Variants in TNK2 observed in about 807,000 individuals in gnomAD.
TNK2 encodes activated CDC42 kinase 1.
A neutral mutation model predicts 101.8 loss-of-function variants in TNK2; 83 were observed. That is an observed-to-expected ratio of 0.82 (90% CI 0.68 to 0.98). The LOEUF is 0.98. TNK2 is among the 50% of genes least tolerant of loss of function. The pLI, the probability that TNK2 is intolerant of heterozygous loss-of-function variation, is 0.00. For synonymous variants in TNK2, 804 were observed against 633.0 expected, an observed-to-expected ratio of 1.27 and a Z score of -4.06; for missense variants, 1,665 against 1,483.2, an observed-to-expected ratio of 1.12 and a Z score of -2.01.
At chr3:195,870,500 A>G in intron 10 of TNK2, 2 of 960,872 alleles carry the variant, frequency 2.1e-6, no homozygotes. Flanking sequence ...CCCCCAGCCC[A>G]CACCAGGCAG....
chr3:195,870,301 G>A (rs1483995548), intron 10 of TNK2, 96 bp from the exon 11 acceptor site: 4 of 1,556,574 alleles, frequency 2.6e-6, no homozygotes, highest in South Asian at 2.3e-5. Context: ...GAAACCGGGT[G>A]TAGTCTTGGG....
In TNK2 at chr3:195,878,580, T is replaced by C. The variant is rs781438547; in HGVS notation, c.1027A>G (p.Ile343Val). 5 of 1,612,836 alleles carry C rather than the reference T, an allele frequency of 3.1e-6. No individual in the cohort carries two copies. The highest frequency in any genetic ancestry group is 1.1e-5 in the South Asian group (1 of 91,060). The change falls in exon 8 of 16, where the codon ATC (isoleucine) becomes GTC (valine). Residue 343 changes from isoleucine (I) to valine (V), a missense_variant. Ile to Val is a conservative substitution (Grantham distance 29). Around this residue, in one of 3 missense-constraint regions of TNK2, gnomAD observed 490 missense variants for 522.5 expected, o/e 0.94. Coordinates refer to ENST00000672887, the MANE Select transcript of TNK2 (RefSeq NM_001382273.1). This position sits in a 1 kb window ranked among gnomAD's most constrained non-coding sequence, Gnocchi z 4.7. Reference sequence around the variant, plus strand: ...GGCAGCCGCTCCCCCTCCTTGTCGATCTTATGCAGGATCTGAAGGTGAGGA... The same window carrying C: ...GGCAGCCGCTCCCCCTCCTTGTCGACCTTATGCAGGATCTGAAGGTGAGGA... ...GLNGSQILHK[I>V]DKEGERLPRP...
intron 14 of TNK2, 70 bp from the exon 15 acceptor site, chr3:195,867,086 G>A (rs965036107): frequency 3.0e-5 from 49 of 1,607,256 alleles, no homozygotes; most frequent in African/African-American, 2.8e-4. Context: ...GAGGGGAGTC[G>A]GAGCCAGGGG....
chr3:195,885,389 C>A lies in TNK2; in HGVS notation c.235-356G>T. On this transcript the variant is annotated intron_variant, in intron 3 of 15. Coordinates refer to ENST00000672887, the MANE Select transcript of TNK2 (RefSeq NM_001382273.1). The surrounding 1 kb of genome is among the most constrained non-coding windows in gnomAD (Gnocchi z 4.7). ...CCCCACCCTCCCTTCCTGCACCCGC[C>A]ACCCCGCAGACTCCAGCCCTAACCC... 7.4e-7 allele frequency: 1 copy of A among 1,345,010 alleles called. No individual in the cohort carries two copies. The highest frequency in any genetic ancestry group is 9.7e-7 in the Non-Finnish European group (1 of 1,026,446). 83.3% of individuals were successfully genotyped at this position (1,345,010 alleles called of 1,614,324 possible). A position where few individuals can be genotyped will look rare whatever the true frequency, so the allele number is the denominator to read the frequency against.
intron 1 of TNK2, chr3:195,894,310 C>CGT (rs1042818525): frequency 1.3e-5 from 2 of 152,268 alleles, no homozygotes; most frequent in African/African-American, 4.8e-5. Flanking sequence ...GAACCCCATG[C>CGT]CTGACCTTGG....
rs201512822 is a variant in TNK2, at chr3:195,868,427, G to A, written c.1871C>T (p.Thr624Met). 53 of 1,570,396 alleles carry A rather than the reference G, an allele frequency of 3.4e-5. No individual in the cohort carries two copies. Among genetic ancestry groups the A allele is most frequent in the African/African-American group, 2.4e-4 (18 of 73,470 alleles). Reference protein sequence around the residue: ...LLDETPPQSPTRALPRPLHPT... With the variant: ...LLDETPPQSPMRALPRPLHPT... ...GTGCAGGGGCCGGGGCAGTGCCCGC[G>A]TGGGGCTCTGAGGCGGGGTCTCGTC... is the stretch of plus-strand genomic sequence containing the variant. Residue 624 changes from threonine to methionine, a missense_variant, in exon 13 of 16, where the codon ACG (threonine) becomes ATG (methionine). Thr to Met is a moderately conservative substitution (Grantham distance 81, BLOSUM62 -1). Coordinates refer to ENST00000672887, the MANE Select transcript of TNK2 (RefSeq NM_001382273.1).
intron 9 of TNK2, among the ~76,000 whole-genome samples, chr3:195,873,524 CAG>C (rs1560494021): frequency 1.4e-5 from 2 of 146,788 alleles, no homozygotes; most frequent in East Asian, 2.1e-4. Context: ...GCCCCGTGGG[CAG>C]AGTCTGGGCA....
At chr3:195,870,024 G>A in intron 11 of TNK2, 90 bp downstream of exon 11, 4 of 1,071,864 alleles carry the variant, frequency 3.7e-6, no homozygotes, top group Non-Finnish European at 5.3e-6. Flanking sequence ...CCCAAAAACA[G>A]AACAGCAGCC....
At chr3:195,868,841 A>G in intron 12 of TNK2, 132 bp from the exon 13 acceptor site, 2 of 1,144,672 alleles carry the variant, frequency 1.7e-6, no homozygotes, top group Non-Finnish European at 2.4e-6. Flanking sequence ...CCGAGGTCTG[A>G]GGTCAGCCAC....
chr3:195,869,367 CG>C (rs2149259133), intron 12 of TNK2, 129 bp downstream of exon 12: 1 of 1,000,270 alleles, frequency 1.0e-6, no homozygotes, highest in Admixed American at 2.1e-5. Flanking sequence ...AGGGCAGCCG[CG>C]GAAGCTCACA....
chr3:195,870,994 C>CCGCTGTGTGGGTTCTGGTGTGTGGGGACT (rs1744846002), intron 10 of TNK2, among the ~76,000 whole-genome samples: 2 of 89,336 alleles, frequency 2.2e-5, no homozygotes, highest in Non-Finnish European at 4.9e-5. Flanking sequence ...GTGTGGGGGC[C>CCGCTGTGTGGGTTCTGGTGTGTGGGGACT]CGCTGTGTGG....
intron 1 of TNK2, among the ~76,000 whole-genome samples, chr3:195,906,597 G>C (rs1761742778): frequency 6.6e-6 from 1 of 152,084 alleles, no homozygotes; most frequent in African/African-American, 2.4e-5. Context: ...GCAGAGGAGC[G>C]GGGGATGGAG....
At chr3:195,896,727 A>T (rs1175172143) in intron 1 of TNK2, 1 of 152,602 alleles carries the variant, frequency 6.6e-6, no homozygotes, top group East Asian at 1.9e-4. Context: ...TAAGACATCC[A>T]CAGGATCTAA....
At chr3:195,892,711 C>T (rs1449122029) in intron 1 of TNK2, 2 of 1,391,764 alleles carry the variant, frequency 1.4e-6, no homozygotes, top group Non-Finnish European at 1.9e-6. Flanking sequence ...AGCCGGGATC[C>T]TCTGTCCTGT....
intron 1 of TNK2, among the ~76,000 whole-genome samples, chr3:195,900,646 T>C (rs1577120170): frequency 6.6e-6 from 1 of 152,286 alleles, no homozygotes; most frequent in East Asian, 1.9e-4. Flanking sequence ...AGAGGACACA[T>C]TGCTGCAGCT....
chr3:195,868,501 GGGCC>G lies in TNK2; in HGVS notation c.1793_1796del (p.Arg598ProfsTer132). On this transcript the variant is annotated frameshift_variant, in exon 13 of 16. Transcript: ENST00000672887. LOFTEE classifies it high-confidence loss of function. ...CCAGCTGCGCCAGGGAGGGCGCGCA[GGGCC>G]GTAGGGCCGGGACCACGGGCTCCTC... 1 of 1,549,826 alleles carries G rather than the reference GGGCC, an allele frequency of 6.5e-7. No homozygotes were observed. The highest frequency in any genetic ancestry group is 8.6e-7 in the Non-Finnish European group (1 of 1,158,068).
At chr3:195,875,331 A>G (rs55781440) in intron 9 of TNK2, among the ~76,000 whole-genome samples, 31 of 22,462 alleles carry the variant, frequency 1.4e-3, no homozygotes, top group East Asian at 7.0e-3. Flanking sequence ...GGCACAAGAA[A>G]CTCCCCCTCG....
At chr3:195,900,539 G>A (rs952483894) in intron 1 of TNK2, among the ~76,000 whole-genome samples, 1 of 152,222 alleles carries the variant, frequency 6.6e-6, no homozygotes, top group African/African-American at 2.4e-5. Flanking sequence ...CTGAAGACCG[G>A]AGTGTCAACG....
In TNK2 at chr3:195,873,355, G is replaced by A. The variant is rs374001794; in HGVS notation, c.1257-885C>T. ...TCCTGACTCCCGAAGGCTCTCACAG[G>A]TTGTGAGGCTCCCGCGTCTGCTGCT... On this transcript the variant is annotated intron_variant, in intron 9 of 15. Transcript: ENST00000672887. 3.7e-4 allele frequency among the ~76,000 whole-genome samples: 57 copies of A among 152,330 alleles called. No individual in the cohort carries two copies. The East Asian group carries it at 9.9e-3, about 26-fold the overall frequency.
Sources: gnomAD v4.1 joint callset for allele counts (sites outside exome capture counted in the v4.1 genomes callset) on GRCh38, gnomAD v4.1.1 for gene constraint, gnomAD v4.1.1 regional missense constraint, Gnocchi (gnomAD v3.1) non-coding constraint, MANE v1.5 for transcripts, NCBI Gene and HGNC (gene_info 2026-07-23, HGNC 2026-07-21) for gene names.